Variants in USP6NL observed in about 807,000 individuals in gnomAD.
USP6NL encodes USP6 N-terminal-like protein.
In USP6NL, 26 loss-of-function variants were observed where a neutral mutation model predicts 61.9. The ratio of observed to expected loss-of-function variants is 0.42; its 90% CI spans 0.31 to 0.58. The LOEUF (loss-of-function observed/expected upper bound fraction) is 0.58, where lower values mean the gene tolerates loss of function less well. Among genes scored for constraint, USP6NL ranks in the 20% least tolerant of loss-of-function variants. USP6NL has a pLI of 0.16. For missense variants in USP6NL, 1,114 were observed against 1,034.3 expected, an observed-to-expected ratio of 1.08 and a Z score of -1.06; for synonymous variants, 432 against 390.1, an observed-to-expected ratio of 1.11 and a Z score of -1.27.
In USP6NL at chr10:11,511,170, T is replaced by A. The variant is rs979806429; in HGVS notation, c.196-1495A>T. Among the ~76,000 whole-genome samples, 1 of 152,226 alleles carries A rather than the reference T, an allele frequency of 6.6e-6. No homozygotes were observed. The highest frequency in any genetic ancestry group is 2.4e-5 in the African/African-American group (1 of 41,468). ...CATATTCTTAAAACTCTCAATTACCTAACTCTTTTTAAAATTTTTGATGGG... is the reference window on the plus strand; with the variant it reads ...CATATTCTTAAAACTCTCAATTACCAAACTCTTTTTAAAATTTTTGATGGG... On this transcript the variant is annotated intron_variant, in intron 5 of 14. Transcript: ENST00000609104. The surrounding 1 kb of genome is among the most constrained non-coding windows in gnomAD (Gnocchi z 4.9).
intron 2 of USP6NL, among the ~76,000 whole-genome samples, chr10:11,552,668 C>T (rs1415426708): frequency 6.6e-6 from 1 of 152,146 alleles, no homozygotes; most frequent in Non-Finnish European, 1.5e-5. Context: ...AAAATTCATA[C>T]ACACCAATGG....
At chr10:11,526,138 T>C (rs970613215) in intron 3 of USP6NL, among the ~76,000 whole-genome samples, 3 of 142,762 alleles carry the variant, frequency 2.1e-5, no homozygotes, top group African/African-American at 7.3e-5. Flanking sequence ...TAACTCGTCA[T>C]TGATGGTGTG....
At chr10:11,469,318 A>G (rs867315042) in intron 14 of USP6NL, among the ~76,000 whole-genome samples, 7 of 152,338 alleles carry the variant, frequency 4.6e-5, no homozygotes, top group South Asian at 2.1e-4. Context: ...AGGTGTTGAC[A>G]ATGTTCGTTC....
intron 2 of USP6NL, among the ~76,000 whole-genome samples, chr10:11,541,422 G>C (rs552627236): frequency 1.4e-3 from 217 of 151,490 alleles, no homozygotes; most frequent in African/African-American, 4.9e-3. Flanking sequence ...TACGAGGTAG[G>C]TATCATTATT....
rs1397937632 is a variant in USP6NL, at chr10:11,513,610, A to G, written c.196-3935T>C. On this transcript the variant is annotated intron_variant, in intron 5 of 14. Transcript: ENST00000609104. The surrounding 1 kb of genome is among the most constrained non-coding windows in gnomAD (Gnocchi z 4.7). ...TTATACTATTTAGGTTTTTAGGGGG[A>G]ACTGATCATTAGACAATCACGACAT... 1.3e-5 allele frequency among the ~76,000 whole-genome samples: 2 copies of G among 152,142 alleles called. No homozygotes were observed. The highest frequency in any genetic ancestry group is 2.9e-5 in the Non-Finnish European group (2 of 68,010).
intron 2 of USP6NL, among the ~76,000 whole-genome samples, chr10:11,580,942 G>C (rs918703214): frequency 6.6e-6 from 1 of 151,870 alleles, no homozygotes; most frequent in Non-Finnish European, 1.5e-5. Context: ...TCAAAATCTT[G>C]TTTGGCCCTA....
At chr10:11,469,291 T>C (rs1013359069) in intron 14 of USP6NL, among the ~76,000 whole-genome samples, 7 of 152,224 alleles carry the variant, frequency 4.6e-5, no homozygotes, top group African/African-American at 1.7e-4. Flanking sequence ...TCTAAAAGCA[T>C]AATACAATCA....
rs1336016270 is a variant in USP6NL at position 11,532,139 on chromosome 10, T to C, written c.5-4572A>G. The C allele has an allele frequency of 7.0e-7, 1 of 1,434,812 alleles. No homozygotes were observed. Among genetic ancestry groups the C allele is most frequent in the African/African-American group, 1.4e-5 (1 of 70,184 alleles). 88.9% of individuals were successfully genotyped at this position (1,434,812 alleles called of 1,614,324 possible). A position where few individuals can be genotyped will look rare whatever the true frequency, so the allele number is the denominator to read the frequency against. ...TAGAGTACATTTTGACAGATGAACG[T>C]TAAAAATATAAACAACATCAATTTT... On this transcript the variant is annotated intron_variant, in intron 2 of 14. Transcript: ENST00000609104. The surrounding 1 kb of genome is among the most constrained non-coding windows in gnomAD (Gnocchi z 4.1).
intron 2 of USP6NL, among the ~76,000 whole-genome samples, chr10:11,590,001 T>C (rs1290477010): frequency 6.6e-6 from 1 of 152,164 alleles, no homozygotes; most frequent in Admixed American, 6.5e-5. Context: ...GAATAACCCA[T>C]AGGAGAAGTT....
At chr10:11,583,280 C>A (rs796910456) in intron 2 of USP6NL, among the ~76,000 whole-genome samples, 4 of 150,544 alleles carry the variant, frequency 2.7e-5, no homozygotes, top group African/African-American at 9.7e-5. Flanking sequence ...GCTCCGCCTC[C>A]CGGGTTCACG....
At position 11,495,369 on chromosome 10, in the gene USP6NL, T is replaced by A. The variant is rs1041961537; in HGVS notation, c.385-2141A>T. Among the ~76,000 whole-genome samples the A allele has an allele frequency of 8.5e-5, 13 of 152,228 alleles. No individual in the cohort carries two copies. The highest frequency in any genetic ancestry group is 3.1e-4 in the African/African-American group (13 of 41,452). ...ATAACTATTCTTGTTTTATATTTTA[T>A]TATACTGGAACAGCTCGTGTCCTCG... On this transcript the variant is annotated intron_variant, in intron 7 of 14. Transcript: ENST00000609104. This position sits in a 1 kb window ranked among gnomAD's most constrained non-coding sequence, Gnocchi z 4.6.
chr10:11,470,586 G>A lies in USP6NL; in HGVS notation c.1079-6737C>T, dbSNP rs762817604. 6.6e-6 allele frequency among the ~76,000 whole-genome samples: 1 copy of A among 152,030 alleles called. No individual in the cohort carries two copies. Among genetic ancestry groups the A allele is most frequent in the Non-Finnish European group, 1.5e-5 (1 of 68,012 alleles). On this transcript the variant is annotated intron_variant, in intron 14 of 14. Coordinates refer to ENST00000609104, the MANE Select transcript of USP6NL (RefSeq NM_014688.5). The surrounding 1 kb of genome is among the most constrained non-coding windows in gnomAD (Gnocchi z 5.4). ...GTCCAAATAAAGCATTCAACATTTT[G>A]GTGTGATCTATTTTCAGAGCTATCT...
chr10:11,537,260 T>C lies in USP6NL; in HGVS notation c.5-9693A>G, dbSNP rs1363520025. ...CTAAGTAGCTGGGACTACAGGCGCA[T>C]GCTACCCTGTCTAGCTAATACTTGT... On this transcript the variant is annotated intron_variant, in intron 2 of 14. Coordinates refer to ENST00000609104, the MANE Select transcript of USP6NL (RefSeq NM_014688.5). The surrounding 1 kb of genome is among the most constrained non-coding windows in gnomAD (Gnocchi z 5.1). Among the ~76,000 whole-genome samples, 1 of 152,150 alleles carries C rather than the reference T, an allele frequency of 6.6e-6. No individual in the cohort carries two copies. The highest frequency in any genetic ancestry group is 1.5e-5 in the Non-Finnish European group (1 of 68,024).
At position 11,463,024 on chromosome 10, in the gene USP6NL, G is replaced by C. The variant is rs1372671650; in HGVS notation, c.1904C>G (p.Pro635Arg). Reference protein sequence around the residue: ...GLAHPPSYSNPPVYHGNSPKH... With the variant: ...GLAHPPSYSNRPVYHGNSPKH... Reference sequence around the variant, plus strand: ...GGGAGAGTTTCCGTGGTAAACGGGGGGATTGCTGTAGGAGGGGGGATGAGC... The same window carrying C: ...GGGAGAGTTTCCGTGGTAAACGGGGCGATTGCTGTAGGAGGGGGGATGAGC... The change falls in exon 15 of 15, where the codon CCC (proline) becomes CGC (arginine). Residue 635 changes from proline to arginine, a missense_variant. Physicochemically the swap from Pro to Arg is moderately radical, Grantham distance 103 (BLOSUM62 -2). Transcript: ENST00000609104. This position sits in a 1 kb window ranked among gnomAD's most constrained non-coding sequence, Gnocchi z 6.3. The C allele has an allele frequency of 1.2e-6, 2 of 1,613,904 alleles. No homozygotes were observed. Among genetic ancestry groups the C allele is most frequent in the Non-Finnish European group, 1.7e-6 (2 of 1,179,870 alleles).
chr10:11,524,402 T>C (rs1333839055), intron 4 of USP6NL, among the ~76,000 whole-genome samples: 1 of 152,132 alleles, frequency 6.6e-6, no homozygotes, highest in Non-Finnish European at 1.5e-5. Context: ...ATTCCTGTTT[T>C]AAAAATGAAG....
chr10:11,601,228 CTTA>C (rs1327063494), intron 1 of USP6NL, among the ~76,000 whole-genome samples: 5 of 152,118 alleles, frequency 3.3e-5, no homozygotes, highest in South Asian at 2.1e-4. Flanking sequence ...CTGATATATA[CTTA>C]TTATATATAC....
At chr10:11,524,098 G>A (rs1488121671) in intron 4 of USP6NL, among the ~76,000 whole-genome samples, 1 of 152,158 alleles carries the variant, frequency 6.6e-6, no homozygotes, top group African/African-American at 2.4e-5. Flanking sequence ...TTTAAAAACA[G>A]TATTTCCATC....
rs1832879544 is a variant in USP6NL, at chr10:11,474,333, GAAAC to G, written c.1078+7433_1078+7436del. On this transcript the variant is annotated intron_variant, in intron 14 of 14. Coordinates refer to ENST00000609104, the MANE Select transcript of USP6NL (RefSeq NM_014688.5). The surrounding 1 kb of genome is among the most constrained non-coding windows in gnomAD (Gnocchi z 4.9). The stretch of plus-strand genomic sequence containing the variant: ...ATTTTAAACTTATAAAGAGTATACT[GAAAC>G]AAAAGACTTAAGGTTCAGGATATTC... 6.6e-6 allele frequency among the ~76,000 whole-genome samples: 1 copy of G among 152,144 alleles called. No homozygotes were observed. Among genetic ancestry groups the G allele is most frequent in the African/African-American group, 2.4e-5 (1 of 41,422 alleles).
chr10:11,512,155 T>C (rs553748494), intron 5 of USP6NL, among the ~76,000 whole-genome samples: 2 of 152,156 alleles, frequency 1.3e-5, no homozygotes, highest in African/African-American at 4.8e-5. Context: ...TCAACCACAA[T>C]AAGACAAAAC....
Sources: gnomAD v4.1 joint callset for allele counts (sites outside exome capture counted in the v4.1 genomes callset) on GRCh38, gnomAD v4.1.1 for gene constraint, Gnocchi (gnomAD v3.1) non-coding constraint, MANE v1.5 for transcripts, NCBI Gene and HGNC (gene_info 2026-07-23, HGNC 2026-07-21) for gene names.